ACOXL: variants seen among roughly 807,000 people sequenced by gnomAD.
ACOXL encodes acyl-coenzyme A oxidase-like protein.
In ACOXL, 70 loss-of-function variants were observed where a neutral mutation model predicts 71.9. The ratio of observed to expected loss-of-function variants is 0.97; its 90% CI spans 0.80 to 1.19. The LOEUF (loss-of-function observed/expected upper bound fraction) is 1.19. Among genes scored for constraint, ACOXL ranks in the 50% most tolerant of loss-of-function variants. The pLI is 0.00. For synonymous variants in ACOXL, 253 were observed against 281.6 expected (o/e 0.90, Z 1.02); for missense variants, 703 against 736.3 (o/e 0.95, Z 0.52).
chr2:110,948,162 A>G (rs1157921481), intron 12 of ACOXL, among the ~76,000 whole-genome samples: 1 of 152,230 alleles, frequency 6.6e-6, no homozygotes, highest in African/African-American at 2.4e-5. Context: ...TGAAGTCTCG[A>G]AAAAGCTCTG....
At chr2:110,947,830 C>T (rs887044900) in intron 12 of ACOXL, among the ~76,000 whole-genome samples, 2 of 152,232 alleles carry the variant, frequency 1.3e-5, no homozygotes, top group Non-Finnish European at 2.9e-5. Flanking sequence ...CTGGCCTTGG[C>T]CCTGCACAAC....
At chr2:111,073,142 T>C (rs2067420923) in intron 16 of ACOXL, among the ~76,000 whole-genome samples, 1 of 152,244 alleles carries the variant, frequency 6.6e-6, no homozygotes, top group Non-Finnish European at 1.5e-5. Flanking sequence ...TATTTATAGA[T>C]TCTAAATACA....
At chr2:110,946,682 T>C (rs2061121873) in intron 12 of ACOXL, among the ~76,000 whole-genome samples, 1 of 152,164 alleles carries the variant, frequency 6.6e-6, no homozygotes. Flanking sequence ...ACTATCTGAA[T>C]TTGGGTAAGT....
intron 16 of ACOXL, among the ~76,000 whole-genome samples, chr2:111,052,094 A>C (rs1294362233): frequency 1.3e-5 from 2 of 152,188 alleles, no homozygotes; most frequent in Non-Finnish European, 2.9e-5. Context: ...TGCAAAGACA[A>C]AAACATTGAG....
chr2:111,007,895 G>GCCTGCCCTCTTT (rs1236544928), intron 14 of ACOXL, among the ~76,000 whole-genome samples: 2 of 152,138 alleles, frequency 1.3e-5, no homozygotes. Flanking sequence ...CTTTTTTCTA[G>GCCTGCCCTCTTT]CCTGCCCTCT....
chr2:110,863,862 T>A (rs747515240), intron 10 of ACOXL, among the ~76,000 whole-genome samples: 2 of 152,188 alleles, frequency 1.3e-5, no homozygotes, highest in Non-Finnish European at 2.9e-5. Flanking sequence ...CTGAGCCTCT[T>A]GCATAGAAAT....
chr2:111,041,817 A>G (rs1040869196), intron 15 of ACOXL, among the ~76,000 whole-genome samples: 2 of 152,220 alleles, frequency 1.3e-5, no homozygotes, highest in African/African-American at 4.8e-5. Context: ...ATTTGCCCCA[A>G]GCTGAAAGGG....
At chr2:110,862,476 A>G (rs1694068231) in intron 10 of ACOXL, among the ~76,000 whole-genome samples, 1 of 152,160 alleles carries the variant, frequency 6.6e-6, no homozygotes, top group South Asian at 2.1e-4. Context: ...TAAAACAATA[A>G]TAAAAAAATT....
chr2:110,976,755 CA>C, intron 12 of ACOXL, among the ~76,000 whole-genome samples: 1 of 152,170 alleles, frequency 6.6e-6, no homozygotes, highest in East Asian at 1.9e-4. Flanking sequence ...TTCTGTTCAA[CA>C]GAAAGAAGCA....
intron 11 of ACOXL, among the ~76,000 whole-genome samples, chr2:110,914,229 A>G (rs1212331735): frequency 6.6e-6 from 1 of 151,920 alleles, no homozygotes; most frequent in Non-Finnish European, 1.5e-5. Context: ...TCTTCTAAGT[A>G]TTTTTTTTCC....
intron 12 of ACOXL, chr2:110,963,537 T>C: frequency 4.0e-6 from 6 of 1,513,184 alleles, no homozygotes; most frequent in Non-Finnish European, 5.3e-6. Context: ...ATGTGAGTCC[T>C]ATGTAGTGAT....
intron 7 of ACOXL, among the ~76,000 whole-genome samples, chr2:110,801,437 C>G (rs1457527188): frequency 1.3e-5 from 2 of 152,200 alleles, no homozygotes; most frequent in Admixed American, 1.3e-4. Context: ...CTCCTCCACT[C>G]TCGCTAAGGA....
chr2:111,057,428 C>T (rs898552305), intron 16 of ACOXL, among the ~76,000 whole-genome samples: 1 of 152,168 alleles, frequency 6.6e-6, no homozygotes, highest in African/African-American at 2.4e-5. Flanking sequence ...TTCCTTGGCT[C>T]GGAAGACTTT....
At chr2:110,903,893 C>A (rs776157000) in intron 10 of ACOXL, among the ~76,000 whole-genome samples, 3 of 152,218 alleles carry the variant, frequency 2.0e-5, no homozygotes, top group Non-Finnish European at 1.5e-5. Flanking sequence ...ACGGGCCAGG[C>A]CCTCTGGGGA....
intron 11 of ACOXL, among the ~76,000 whole-genome samples, chr2:110,921,388 A>G (rs948984789): frequency 1.7e-5 from 1 of 57,556 alleles, no homozygotes; most frequent in East Asian, 5.2e-4. Flanking sequence ...CTATATATCC[A>G]CCCCCCCCCC....
intron 16 of ACOXL, among the ~76,000 whole-genome samples, chr2:111,052,808 A>G (rs913534778): frequency 1.3e-5 from 2 of 152,042 alleles, no homozygotes; most frequent in Non-Finnish European, 2.9e-5. Flanking sequence ...GCTCACGTCC[A>G]AGCAAGCTCA....
At chr2:110,842,657 C>A (rs1452146246) in intron 10 of ACOXL, among the ~76,000 whole-genome samples, 1 of 152,142 alleles carries the variant, frequency 6.6e-6, no homozygotes, top group Non-Finnish European at 1.5e-5. Flanking sequence ...ACTTAACAAA[C>A]TTAGCCTGTT....
At chr2:111,044,067 A>G (rs75963757) in intron 15 of ACOXL, among the ~76,000 whole-genome samples, 45 of 152,284 alleles carry the variant, frequency 3.0e-4, no homozygotes, top group African/African-American at 1.1e-3. Flanking sequence ...TGCCCTGACA[A>G]ATGTAGCTTT....
Position 110,858,855 on chromosome 2 carries a change from C to T in ACOXL, c.788+17450C>T, listed in dbSNP as rs1042005062. 2.0e-5 allele frequency among the ~76,000 whole-genome samples: 3 copies of T among 152,134 alleles called. No individual in the cohort carries two copies. The South Asian group carries it at 6.2e-4, about 32-fold the overall frequency. ...CTGTTTTATTACAGGTTTAAAAGAC[C>T]CCTCTTCCTCTGTGTGTCTCAAACA... is the stretch of plus-strand genomic sequence containing the variant. On this transcript the variant is annotated intron_variant, in intron 10 of 17. Transcript: ENST00000439055.
Sources: allele counts gnomAD v4.1 joint callset (sites outside exome capture counted in the v4.1 genomes callset), GRCh38; gene constraint gnomAD v4.1.1; transcripts MANE v1.5; gene names NCBI Gene and HGNC (gene_info 2026-07-23, HGNC 2026-07-21).